The following SLF1 variants were observed in gnomAD, a reference collection of about 807,000 sequenced individuals.
The protein encoded by SLF1 is SMC5/6 complex localization factor 1.
SLF1 carries 105 observed loss-of-function variants against 123.0 expected under a neutral mutation model. The observed-to-expected ratio is 0.85, with a 90% CI of 0.73 to 1.00. SLF1 has a LOEUF of 1.00. SLF1 is among the 50% of genes least tolerant of loss of function. The probability of loss-of-function intolerance (pLI) is 0.00; values close to 1 mark genes in which losing one functional copy is unlikely to be tolerated. For missense variants in SLF1, 1,239 were observed against 1,223.0 expected (o/e 1.01, Z -0.20); for synonymous variants, 434 against 406.6 (o/e 1.07, Z -0.81).
At chr5:94,692,348 G>A (rs1292286998) in intron 20 of SLF1, 92 bp downstream of exon 20, 8 of 1,269,536 alleles carry the variant, frequency 6.3e-6, no homozygotes, top group Non-Finnish European at 8.6e-6. Flanking sequence ...TTTAAAATCT[G>A]TAAGGAAAGA....
chr5:94,645,151 G>T (rs1585137453), intron 5 of SLF1, among the ~76,000 whole-genome samples: 1 of 152,152 alleles, frequency 6.6e-6, no homozygotes, highest in African/African-American at 2.4e-5. Context: ...AGAGAAGTAT[G>T]TAAGAGCTTC....
At chr5:94,631,973 T>TC (rs1384008713) in intron 4 of SLF1, among the ~76,000 whole-genome samples, 4 of 124,920 alleles carry the variant, frequency 3.2e-5, no homozygotes, top group African/African-American at 8.8e-5. Flanking sequence ...TTTCTTTCTT[T>TC]TTTTTTTTTT....
chr5:94,651,617 G>T, intron 6 of SLF1, 85 bp from the exon 7 acceptor site: 1 of 1,107,962 alleles, frequency 9.0e-7, no homozygotes, highest in Non-Finnish European at 1.2e-6. Context: ...TTCCTGGATG[G>T]GTTTTTCTTT....
rs376928785 is a variant in SLF1, at chr5:94,661,422, C to T, written c.1156-876C>T. Among the ~76,000 whole-genome samples the T allele has an allele frequency of 3.7e-4, 56 of 152,102 alleles. 2 individuals carry two copies. Among genetic ancestry groups the T allele is most frequent in the Admixed American group, 3.7e-3 (56 of 15,270 alleles). ...ATTGTAATGTTCTCTCTTAGATGCC[C>T]TATTCAGTGTGTGATTATCTACTCA... is the stretch of plus-strand genomic sequence containing the variant. On this transcript the variant is annotated intron_variant, in intron 9 of 20. Transcript: ENST00000265140.
intron 1 of SLF1, among the ~76,000 whole-genome samples, chr5:94,627,788 G>T (rs1355550181): frequency 6.6e-6 from 1 of 150,436 alleles, no homozygotes; most frequent in Non-Finnish European, 1.5e-5. Context: ...AAATCTGATT[G>T]TATCATTGTC....
intron 12 of SLF1, among the ~76,000 whole-genome samples, chr5:94,666,496 G>T (rs1457779563): frequency 6.6e-6 from 1 of 152,136 alleles, no homozygotes; most frequent in Admixed American, 6.5e-5. Context: ...TTCTGCACAT[G>T]CTGTCACTGC....
chr5:94,689,405 C>A, intron 17 of SLF1, 68 bp from the exon 18 acceptor site: 1 of 1,464,794 alleles, frequency 6.8e-7, no homozygotes, highest in Admixed American at 2.3e-5. Context: ...TTAAAAAATA[C>A]CATCTAATGT....
At chr5:94,694,374 A>G (rs1753358117) in intron 20 of SLF1, among the ~76,000 whole-genome samples, 1 of 151,864 alleles carries the variant, frequency 6.6e-6, no homozygotes, top group Non-Finnish European at 1.5e-5. Context: ...TATCTGTGCA[A>G]GGTTTTGTAG....
At chr5:94,644,431 T>C (rs1746782965) in intron 5 of SLF1, among the ~76,000 whole-genome samples, 1 of 152,190 alleles carries the variant, frequency 6.6e-6, no homozygotes, top group African/African-American at 2.4e-5. Flanking sequence ...CCTAAATCTC[T>C]AATACGGCTT....
rs1753112630 is a variant in SLF1, at chr5:94,692,162, A to C, written c.2601A>C (p.Val867=). The change falls in exon 20 of 21, where the codon GTA becomes GTC. Residue 867 remains valine (V), a synonymous_variant. Coordinates refer to ENST00000265140, the MANE Select transcript of SLF1 (RefSeq NM_032290.4). ...VQEILQRCPE[V]DLLTQVDGVT... Reference sequence around the variant, plus strand: ...AAATTTTGCAACGTTGTCCAGAGGTAGATCTGCTCACTCAAGTGGACGGGG... The same window carrying C: ...AAATTTTGCAACGTTGTCCAGAGGTCGATCTGCTCACTCAAGTGGACGGGG... The C allele has an allele frequency of 6.2e-7, 1 of 1,613,924 alleles. No homozygotes were observed. The highest frequency in any genetic ancestry group is 1.1e-5 in the South Asian group (1 of 91,078).
chr5:94,636,589 C>G (rs2152470094), intron 4 of SLF1, among the ~76,000 whole-genome samples: 1 of 152,094 alleles, frequency 6.6e-6, no homozygotes, highest in East Asian at 1.9e-4. Flanking sequence ...TATTCTTCAT[C>G]TCCAAAATTT....
intron 1 of SLF1, among the ~76,000 whole-genome samples, chr5:94,619,840 G>T (rs1006003159): frequency 6.6e-6 from 1 of 152,128 alleles, no homozygotes; most frequent in Non-Finnish European, 1.5e-5. Context: ...TTATATTAAA[G>T]AGTATATTTC....
intron 7 of SLF1, 109 bp from the exon 8 acceptor site, chr5:94,653,162 TC>T: frequency 8.8e-7 from 1 of 1,136,298 alleles, no homozygotes; most frequent in Non-Finnish European, 1.2e-6. Context: ...CGGCCGTACT[TC>T]TTTATTTTTT....
chr5:94,635,770 T>G (rs1440762677), intron 4 of SLF1, among the ~76,000 whole-genome samples: 1 of 152,350 alleles, frequency 6.6e-6, no homozygotes, highest in African/African-American at 2.4e-5. Flanking sequence ...CTGACAATTG[T>G]AGCTATGGTT....
intron 1 of SLF1, among the ~76,000 whole-genome samples, chr5:94,623,716 G>C (rs1351932500): frequency 6.6e-6 from 1 of 151,948 alleles, no homozygotes; most frequent in Non-Finnish European, 1.5e-5. Context: ...GTACTTTAAA[G>C]GATTTTTAAT....
chr5:94,655,821 C>G (rs868046913), intron 9 of SLF1, among the ~76,000 whole-genome samples: 5 of 151,862 alleles, frequency 3.3e-5, no homozygotes, highest in African/African-American at 4.8e-5. Flanking sequence ...TTACTGAATT[C>G]ATTTATCAGT....
At chr5:94,623,333 G>T (rs1057436013) in intron 1 of SLF1, among the ~76,000 whole-genome samples, 72 of 152,050 alleles carry the variant, frequency 4.7e-4, no homozygotes, top group African/African-American at 1.6e-3. Flanking sequence ...ATTGTTCAAG[G>T]TAAGTAACTA....
At chr5:94,639,037 CTTTT>C (rs764031689) in intron 4 of SLF1, among the ~76,000 whole-genome samples, 2 of 88,956 alleles carry the variant, frequency 2.2e-5, no homozygotes, top group African/African-American at 9.9e-5. Flanking sequence ...CTTTTCTTCC[CTTTT>C]TTTTTTTTTT....
intron 1 of SLF1, among the ~76,000 whole-genome samples, chr5:94,620,457 A>G (rs917045128): frequency 1.3e-5 from 2 of 152,248 alleles, no homozygotes; most frequent in Non-Finnish European, 2.9e-5. Flanking sequence ...AGATTTCGTA[A>G]TAAGCATCCA....
Sources: allele counts gnomAD v4.1 joint callset (sites outside exome capture counted in the v4.1 genomes callset), GRCh38; gene constraint gnomAD v4.1.1; transcripts MANE v1.5; gene names NCBI Gene and HGNC (gene_info 2026-07-23, HGNC 2026-07-21).